Variants in APBA2 observed in about 807,000 individuals in gnomAD.
APBA2 encodes amyloid-beta A4 precursor protein-binding family A member 2.
APBA2 carries 30 observed loss-of-function variants against 75.0 expected under a neutral mutation model. That is an observed-to-expected ratio of 0.40 (90% CI 0.30 to 0.54). The LOEUF (loss-of-function observed/expected upper bound fraction) is 0.54, where lower values mean the gene tolerates loss of function less well. Ranked by LOEUF, APBA2 falls within the 20% of genes least tolerant of loss-of-function variation. The pLI is 0.49. For missense variants in APBA2, 801 were observed against 1,016.1 expected, an observed-to-expected ratio of 0.79 and a Z score of 2.88; for synonymous variants, 444 against 409.6, an observed-to-expected ratio of 1.08 and a Z score of -1.01.
At chr15:29,035,328 A>T (rs571757196) in intron 3 of APBA2, among the ~76,000 whole-genome samples, 1 of 152,212 alleles carries the variant, frequency 6.6e-6, no homozygotes. Flanking sequence ...ATCTTAAAAA[A>T]TAGATTCAGG....
At chr15:28,978,297 T>C (rs7165740) in intron 2 of APBA2, among the ~76,000 whole-genome samples, 46,316 of 152,160 alleles carry the variant, frequency 0.3, 11,661 homozygotes, top group African/African-American at 0.67. Context: ...GCCCTGCAAC[T>C]TGGCTCCTCC....
chr15:29,098,256 A>G (rs2152958111), intron 8 of APBA2, among the ~76,000 whole-genome samples: 1 of 152,250 alleles, frequency 6.6e-6, no homozygotes, highest in Non-Finnish European at 1.5e-5. Context: ...GCACTGATTC[A>G]CACCCTCCCA....
intron 2 of APBA2, among the ~76,000 whole-genome samples, chr15:28,941,502 C>CAAA (rs72376564): frequency 2.2e-3 from 130 of 59,384 alleles, no homozygotes; most frequent in African/African-American, 2.3e-3. Flanking sequence ...ACTTGGGAGG[C>CAAA]AAAAAAAAAA....
chr15:28,900,337 A>G (rs2032776468), intron 1 of APBA2, among the ~76,000 whole-genome samples: 1 of 152,190 alleles, frequency 6.6e-6, no homozygotes, highest in African/African-American at 2.4e-5. Flanking sequence ...TGACGGCAGC[A>G]TTGGGTGGAT....
intron 3 of APBA2, among the ~76,000 whole-genome samples, chr15:29,039,327 T>C (rs757029067): frequency 6.6e-6 from 1 of 152,098 alleles, no homozygotes; most frequent in Non-Finnish European, 1.5e-5. Context: ...GGAGAGGCTG[T>C]CAGGCCAGCC....
intron 6 of APBA2, among the ~76,000 whole-genome samples, chr15:29,079,713 AC>A (rs1457135751): frequency 6.6e-6 from 1 of 152,038 alleles, no homozygotes; most frequent in East Asian, 1.9e-4. Context: ...CAGCTCCTCC[AC>A]CCTATTTGTG....
At chr15:28,903,078 G>A (rs1041755717) in intron 1 of APBA2, among the ~76,000 whole-genome samples, 180 of 152,310 alleles carry the variant, frequency 1.2e-3, no homozygotes, top group African/African-American at 3.9e-3. Context: ...GTTTGCTGAC[G>A]TCCTGTGGCC....
intron 2 of APBA2, among the ~76,000 whole-genome samples, chr15:28,981,807 A>G (rs1174587403): frequency 2.0e-5 from 3 of 152,214 alleles, no homozygotes; most frequent in Non-Finnish European, 4.4e-5. Flanking sequence ...CATATACACC[A>G]TGGAATACTA....
intron 3 of APBA2, among the ~76,000 whole-genome samples, chr15:29,050,004 G>A (rs939652097): frequency 2.0e-5 from 3 of 152,088 alleles, no homozygotes; most frequent in African/African-American, 4.8e-5. Flanking sequence ...GATTCGGAAA[G>A]GGCTCACCAA....
chr15:28,968,844 A>C (rs2036880102), intron 2 of APBA2, among the ~76,000 whole-genome samples: 1 of 152,192 alleles, frequency 6.6e-6, no homozygotes, highest in Non-Finnish European at 1.5e-5. Flanking sequence ...GGATGGGAAG[A>C]TGTGGTGACT....
At chr15:28,993,185 A>C (rs1465219207) in intron 2 of APBA2, among the ~76,000 whole-genome samples, 2 of 152,176 alleles carry the variant, frequency 1.3e-5, no homozygotes, top group Non-Finnish European at 2.9e-5. Context: ...TACGACTCAG[A>C]GTCAGCTGCC....
chr15:29,028,100 C>T (rs975761554), intron 3 of APBA2, among the ~76,000 whole-genome samples: 1 of 151,912 alleles, frequency 6.6e-6, no homozygotes, highest in Non-Finnish European at 1.5e-5. Flanking sequence ...AACCCATCAC[C>T]GAGGTATTAA....
At chr15:29,007,204 A>G (rs1379911536) in intron 3 of APBA2, among the ~76,000 whole-genome samples, 2 of 152,226 alleles carry the variant, frequency 1.3e-5, no homozygotes, top group Non-Finnish European at 2.9e-5. Context: ...TGAAAACAAT[A>G]TAAAAACAAC....
intron 2 of APBA2, among the ~76,000 whole-genome samples, chr15:28,963,489 A>G (rs560497777): frequency 6.6e-6 from 1 of 152,324 alleles, no homozygotes; most frequent in East Asian, 1.9e-4. Context: ...TGGGTTCTCC[A>G]AGCCACACAG....
chr15:28,938,169 A>G (rs1363795542), intron 2 of APBA2, among the ~76,000 whole-genome samples: 1 of 152,196 alleles, frequency 6.6e-6, no homozygotes, highest in Non-Finnish European at 1.5e-5. Flanking sequence ...AAACTTTCTC[A>G]GACCACGGTG....
chr15:28,942,044 C>A (rs1400359791), intron 2 of APBA2, among the ~76,000 whole-genome samples: 1 of 152,228 alleles, frequency 6.6e-6, no homozygotes, highest in Non-Finnish European at 1.5e-5. Flanking sequence ...CAGGCGTGAG[C>A]CACTGCGCCT....
chr15:28,959,578 C>T (rs201342430), intron 2 of APBA2, among the ~76,000 whole-genome samples: 2 of 152,176 alleles, frequency 1.3e-5, no homozygotes, highest in East Asian at 1.9e-4. Flanking sequence ...ACCATAATCT[C>T]GACTTCCAGT....
intron 3 of APBA2, among the ~76,000 whole-genome samples, chr15:29,043,273 A>T (rs1211029311): frequency 1.3e-5 from 2 of 152,164 alleles, no homozygotes; most frequent in Non-Finnish European, 2.9e-5. Flanking sequence ...CCCTTTGCGT[A>T]TTTCGAGATG....
chr15:29,031,495 G>C (rs1049659744), intron 3 of APBA2, among the ~76,000 whole-genome samples: 1 of 151,954 alleles, frequency 6.6e-6, no homozygotes, highest in African/African-American at 2.4e-5. Context: ...TTGAGATGGA[G>C]TTTTGCTCTT....
Sources: gnomAD v4.1 joint callset for allele counts (sites outside exome capture counted in the v4.1 genomes callset) on GRCh38, gnomAD v4.1.1 for gene constraint, MANE v1.5 for transcripts, NCBI Gene and HGNC (gene_info 2026-07-23, HGNC 2026-07-21) for gene names.